The following AFM variants were observed in gnomAD, a reference collection of about 807,000 sequenced individuals.
AFM encodes afamin.
AFM carries 82 observed loss-of-function variants against 68.7 expected under a neutral mutation model. That is an observed-to-expected ratio of 1.19 (90% confidence interval 1.00 to 1.43). The LOEUF (loss-of-function observed/expected upper bound fraction) is 1.43, where lower values mean the gene tolerates loss of function less well. Ranked by LOEUF, AFM falls within the 40% of genes most tolerant of loss-of-function variation. The probability of loss-of-function intolerance (pLI) is 0.00; values close to 1 mark genes in which losing one functional copy is unlikely to be tolerated. For synonymous variants in AFM, 250 were observed against 234.2 expected (o/e 1.07, Z -0.61); for missense variants, 772 against 701.8 (o/e 1.10, Z -1.13).
At chr4:73,500,433 A>T (rs144312520) in intron 12 of AFM, among the ~76,000 whole-genome samples, 2 of 152,260 alleles carry the variant, frequency 1.3e-5, no homozygotes, top group East Asian at 3.9e-4. Flanking sequence ...TTCATTTGAA[A>T]GAGACTTGGA....
chr4:73,491,527 C>T (rs570712032), intron 7 of AFM, among the ~76,000 whole-genome samples: 8 of 152,154 alleles, frequency 5.3e-5, no homozygotes, highest in African/African-American at 1.9e-4. Flanking sequence ...CCACTGAAAA[C>T]ACAAGTGGAC....
rs751236135 is a variant in AFM at position 73,497,685 on chromosome 4, C to T, written c.1225C>T (p.Leu409Phe). ...ATTCAATGAGACAACTGAGAAAAGC[C>T]TCAAGATGGTACAACAAGAATGTAA... Reference protein sequence around the residue: ...DKFNETTEKSLKMVQQECKHF... With the variant: ...DKFNETTEKSFKMVQQECKHF... The change falls in exon 10 of 15, where the codon CTC becomes TTC. Residue 409 changes from leucine to phenylalanine, a missense_variant. Leu to Phe is a conservative substitution (Grantham distance 22). Coordinates refer to ENST00000226355, the MANE Select transcript of AFM (RefSeq NM_001133.2). 3.7e-6 allele frequency: 6 copies of T among 1,609,540 alleles called. No homozygotes were observed. The South Asian group carries it at 6.6e-5, about 18-fold the overall frequency.
intron 8 of AFM, among the ~76,000 whole-genome samples, chr4:73,492,867 G>GTT (rs1228681895): frequency 6.3e-4 from 89 of 140,420 alleles, no homozygotes; most frequent in African/African-American, 2.1e-3. Context: ...GGACTTTACT[G>GTT]TTTTTTTTTT....
intron 11 of AFM, 46 bp downstream of exon 11, chr4:73,499,292 A>G (rs776274193): frequency 1.4e-5 from 19 of 1,390,520 alleles, no homozygotes; most frequent in Non-Finnish European, 1.7e-5. Context: ...TTTTTTTTTA[A>G]AAAAAAGAAT....
At chr4:73,489,049 G>T (rs1041977072) in intron 7 of AFM, among the ~76,000 whole-genome samples, 1 of 152,154 alleles carries the variant, frequency 6.6e-6, no homozygotes. Context: ...AGTACAGATT[G>T]AAGTTTTCTC....
Position 73,495,441 on chromosome 4 carries a change from C to T in AFM, c.1191+9C>T. ...GTTGTTACCGTTACGCGGTAGGTTCCATTGTTGTAGGTTCAGAAAATCAAA... is the reference window on the plus strand; with the variant it reads ...GTTGTTACCGTTACGCGGTAGGTTCTATTGTTGTAGGTTCAGAAAATCAAA... On this transcript the variant is annotated intron_variant, in intron 9 of 14. Transcript: ENST00000226355. The T allele has an allele frequency of 6.2e-7, 1 of 1,604,246 alleles. No homozygotes were observed. Among genetic ancestry groups the T allele is most frequent in the Non-Finnish European group, 8.5e-7 (1 of 1,177,638 alleles).
intron 7 of AFM, 57 bp downstream of exon 7, chr4:73,488,816 T>A (rs1014065627): frequency 2.6e-6 from 4 of 1,549,310 alleles, no homozygotes; most frequent in South Asian, 2.5e-5. Flanking sequence ...ATCATTTTTT[T>A]ATTCTCAAGT....
intron 3 of AFM, 76 bp downstream of exon 3, chr4:73,484,466 C>CTTTCTTTCTTTCTT (rs1433173414): frequency 7.6e-6 from 4 of 526,592 alleles, no homozygotes; most frequent in Non-Finnish European, 1.3e-5. Context: ...TTCTTTCTTT[C>CTTTCTTTCTTTCTT]TTTCTTTCTT....
At chr4:73,483,705 G>T (rs1034435515) in intron 1 of AFM, among the ~76,000 whole-genome samples, 3 of 152,198 alleles carry the variant, frequency 2.0e-5, no homozygotes, top group Non-Finnish European at 4.4e-5. Flanking sequence ...GTCAGATTAA[G>T]ATTTATTTAG....
intron 6 of AFM, 79 bp downstream of exon 6, chr4:73,487,900 T>G: frequency 4.9e-6 from 5 of 1,015,240 alleles, no homozygotes; most frequent in Non-Finnish European, 7.6e-6. Flanking sequence ...GTTGATAACT[T>G]TTTATTTATA....
At chr4:73,499,001 G>A in intron 10 of AFM, 113 bp from the exon 11 acceptor site, 1 of 1,060,342 alleles carries the variant, frequency 9.4e-7, no homozygotes, top group South Asian at 2.1e-5. Flanking sequence ...TAAGGTTCAT[G>A]TTGCACCTAT....
chr4:73,486,085 C>T lies in AFM; in HGVS notation c.482+12C>T. The stretch of plus-strand genomic sequence containing the variant: ...TCCCTTTTAAATCAGTAAGTTTAAT[C>T]TTAGTAAAAAATGATCCAGTTGAAG... On this transcript the variant is annotated intron_variant, in intron 4 of 14. Transcript: ENST00000226355. The T allele has an allele frequency of 1.2e-6, 2 of 1,602,150 alleles. No individual in the cohort carries two copies. The highest frequency in any genetic ancestry group is 1.7e-6 in the Non-Finnish European group (2 of 1,170,328).
chr4:73,486,463 T>C (rs1720904995), intron 4 of AFM, among the ~76,000 whole-genome samples: 1 of 152,240 alleles, frequency 6.6e-6, no homozygotes, highest in Non-Finnish European at 1.5e-5. Context: ...AATATAGTGC[T>C]GTCATTGCAG....
rs2149344797 is a variant in AFM, at chr4:73,491,931, G to A, written c.903G>A (p.Glu301=). ...ATTCTATCTCCAGCAAAATCAAAGAGTGCTGTGAAAAGAAAATACCAGAGC... is the reference window on the plus strand; with the variant it reads ...ATTCTATCTCCAGCAAAATCAAAGAATGCTGTGAAAAGAAAATACCAGAGC... ...KQDSISSKIK[E]CCEKKIPERG... is the part of the protein sequence containing the mutation. Residue 301 remains glutamate (E), a synonymous_variant, in exon 8 of 15, where the codon GAG becomes GAA. Coordinates refer to ENST00000226355, the MANE Select transcript of AFM (RefSeq NM_001133.2). 6.2e-7 allele frequency: 1 copy of A among 1,613,920 alleles called. No homozygotes were observed. Among genetic ancestry groups the A allele is most frequent in the Admixed American group, 1.7e-5 (1 of 60,000 alleles).
chr4:73,489,731 T>C (rs1325161658), intron 7 of AFM, among the ~76,000 whole-genome samples: 1 of 152,226 alleles, frequency 6.6e-6, no homozygotes, highest in Non-Finnish European at 1.5e-5. Flanking sequence ...TTTGAATTGT[T>C]CATGCATTCT....
At chr4:73,494,632 A>G (rs1304810366) in intron 8 of AFM, among the ~76,000 whole-genome samples, 2 of 152,224 alleles carry the variant, frequency 1.3e-5, no homozygotes, top group Admixed American at 6.5e-5. Context: ...AAGTGTTTAT[A>G]AAGTCCAGGA....
In AFM at chr4:73,500,386, AT is replaced by A. The variant is rs397993993; in HGVS notation, c.1646+169del. ...TCTATATGGAAAAATACAAGTGCAT[AT>A]TTTTTTTTTGCCATTGTTTATATCT... On this transcript the variant is annotated intron_variant, in intron 12 of 14. Coordinates refer to ENST00000226355, the MANE Select transcript of AFM (RefSeq NM_001133.2). 7.6e-3 allele frequency among the ~76,000 whole-genome samples: 1,144 copies of A among 149,898 alleles called. 39 individuals are homozygous for A. The highest frequency in any genetic ancestry group is 0.044 in the Admixed American group (666 of 15,092).
At chr4:73,501,248 C>A (rs543621466) in intron 12 of AFM, among the ~76,000 whole-genome samples, 20 of 152,064 alleles carry the variant, frequency 1.3e-4, no homozygotes, top group Non-Finnish European at 1.5e-4. Context: ...CCTTTGACAT[C>A]ATTTTTAATT....
intron 3 of AFM, among the ~76,000 whole-genome samples, chr4:73,485,007 T>A (rs1720851086): frequency 6.6e-6 from 1 of 152,232 alleles, no homozygotes; most frequent in African/African-American, 2.4e-5. Context: ...TGTATTTTGA[T>A]GCACAGAAGG....
Sources: gnomAD v4.1 joint callset for allele counts (sites outside exome capture counted in the v4.1 genomes callset) on GRCh38, gnomAD v4.1.1 for gene constraint, MANE v1.5 for transcripts, NCBI Gene and HGNC (gene_info 2026-07-23, HGNC 2026-07-21) for gene names.